Variants in PPM1H observed in about 807,000 individuals in gnomAD.
PPM1H encodes the protein protein phosphatase, Mg2+/Mn2+ dependent 1H.
PPM1H carries 27 observed loss-of-function variants against 54.9 expected under a neutral mutation model. That is an observed-to-expected ratio of 0.49 (90% CI 0.36 to 0.68). The LOEUF is 0.68. Ranked by LOEUF, PPM1H falls within the 30% of genes least tolerant of loss-of-function variation. PPM1H has a pLI of 0.00. For synonymous variants in PPM1H, 305 were observed against 270.8 expected (o/e 1.13, Z -1.24); for missense variants, 596 against 667.8 (o/e 0.89, Z 1.19).
chr12:62,910,844 C>A (rs924557248), intron 1 of PPM1H, among the ~76,000 whole-genome samples: 5 of 152,190 alleles, frequency 3.3e-5, no homozygotes, highest in Non-Finnish European at 7.3e-5. Context: ...TACAAAGCAG[C>A]TGCCCGCAAG....
rs2075859219 is a variant in PPM1H, at chr12:62,658,301, G to A, written c.1397+8877C>T. 2.0e-5 allele frequency among the ~76,000 whole-genome samples: 3 copies of A among 149,340 alleles called. No homozygotes were observed. The South Asian group carries it at 6.4e-4, about 32-fold the overall frequency. ...AGTTTTGCCTGGGCACTGGGAATGT[G>A]AATCCATGTGCATTTCCAAGTTTGG... On this transcript the variant is annotated intron_variant, in intron 9 of 9. Transcript: ENST00000228705.
chr12:62,860,788 C>T (rs571870754), intron 1 of PPM1H, among the ~76,000 whole-genome samples: 2 of 152,280 alleles, frequency 1.3e-5, no homozygotes, highest in African/African-American at 4.8e-5. Flanking sequence ...TCCCCTGCTC[C>T]GATTTACAGC....
At chr12:62,821,103 G>A (rs1474610467) in intron 2 of PPM1H, among the ~76,000 whole-genome samples, 1 of 152,168 alleles carries the variant, frequency 6.6e-6, no homozygotes, top group Admixed American at 6.5e-5. Context: ...GAAAACCGTG[G>A]CAAGAGAACT....
At chr12:62,688,544 C>T (rs555892074) in intron 8 of PPM1H, among the ~76,000 whole-genome samples, 1 of 152,238 alleles carries the variant, frequency 6.6e-6, no homozygotes, top group South Asian at 2.1e-4. Context: ...AGAAAGTCAA[C>T]ATAGAAATCG....
At chr12:62,665,073 A>G (rs2075909550) in intron 9 of PPM1H, among the ~76,000 whole-genome samples, 1 of 150,578 alleles carries the variant, frequency 6.6e-6, no homozygotes, top group South Asian at 2.1e-4. Context: ...TTTGGGACAG[A>G]GTCTCACTCT....
intron 4 of PPM1H, among the ~76,000 whole-genome samples, chr12:62,743,381 C>G (rs2076393387): frequency 6.6e-6 from 1 of 151,888 alleles, no homozygotes; most frequent in South Asian, 2.1e-4. Flanking sequence ...CCCCCTGGTC[C>G]CTGCCCCAAA....
chr12:62,885,934 C>G (rs1870571691), intron 1 of PPM1H, among the ~76,000 whole-genome samples: 1 of 152,204 alleles, frequency 6.6e-6, no homozygotes, highest in Non-Finnish European at 1.5e-5. Context: ...TAAAACTTCT[C>G]TAAAGTCACA....
chr12:62,895,721 G>T (rs1471595988), intron 1 of PPM1H, among the ~76,000 whole-genome samples: 1 of 152,074 alleles, frequency 6.6e-6, no homozygotes, highest in Non-Finnish European at 1.5e-5. Flanking sequence ...GGCCTCCTCT[G>T]CACTTGCACT....
At chr12:62,718,487 C>A (rs2076247348) in intron 6 of PPM1H, among the ~76,000 whole-genome samples, 1 of 152,132 alleles carries the variant, frequency 6.6e-6, no homozygotes, top group Non-Finnish European at 1.5e-5. Flanking sequence ...TATAAGAGCA[C>A]CCCATAGCCT....
At chr12:62,827,322 C>T (rs1335434995) in intron 2 of PPM1H, among the ~76,000 whole-genome samples, 1 of 152,106 alleles carries the variant, frequency 6.6e-6, no homozygotes, top group African/African-American at 2.4e-5. Context: ...ATTTGCTCAC[C>T]TTAACTGTAT....
At chr12:62,864,016 C>T (rs561505341) in intron 1 of PPM1H, among the ~76,000 whole-genome samples, 3 of 152,352 alleles carry the variant, frequency 2.0e-5, no homozygotes, top group East Asian at 3.9e-4. Context: ...AGCACCAACA[C>T]TTTAAGTTTA....
chr12:62,915,762 CTT>C (rs1422246348), intron 1 of PPM1H, among the ~76,000 whole-genome samples: 2 of 152,238 alleles, frequency 1.3e-5, no homozygotes, highest in Non-Finnish European at 2.9e-5. Flanking sequence ...AGCACCCACT[CTT>C]TCTGTAAGAA....
At chr12:62,900,910 CTACA>C (rs1350420878) in intron 1 of PPM1H, among the ~76,000 whole-genome samples, 1 of 152,160 alleles carries the variant, frequency 6.6e-6, no homozygotes, top group Non-Finnish European at 1.5e-5. Context: ...CTCAATGCCC[CTACA>C]TATTTCTATT....
intron 1 of PPM1H, among the ~76,000 whole-genome samples, chr12:62,838,307 G>A (rs1565804872): frequency 1.4e-5 from 2 of 144,960 alleles, no homozygotes; most frequent in East Asian, 4.2e-4. Context: ...ATAACTAGGA[G>A]GTAGACAGTA....
chr12:62,764,732 G>C (rs1414466374), intron 4 of PPM1H, among the ~76,000 whole-genome samples: 1 of 152,206 alleles, frequency 6.6e-6, no homozygotes, highest in Non-Finnish European at 1.5e-5. Flanking sequence ...ATATAGGGAG[G>C]AGCCGTGATC....
rs972242748 is a variant in PPM1H at position 62,648,427 on chromosome 12, C to T, written c.*62G>A. The T allele has an allele frequency of 7.7e-5, 122 of 1,585,628 alleles. No homozygotes were observed. The highest frequency in any genetic ancestry group is 3.4e-4 in the Middle Eastern group (2 of 5,928). Reference sequence around the variant, plus strand: ...ACTCAGCTGGGGCACTTCCCAGTTCCGTCCTGCCAAGAGGCATCCCAGCTT... The same window carrying T: ...ACTCAGCTGGGGCACTTCCCAGTTCTGTCCTGCCAAGAGGCATCCCAGCTT... On this transcript the variant is annotated 3_prime_UTR_variant, in exon 10 of 10. Coordinates refer to ENST00000228705, the MANE Select transcript of PPM1H (RefSeq NM_020700.2).
chr12:62,684,807 G>A (rs1432532642), intron 8 of PPM1H, among the ~76,000 whole-genome samples: 2 of 152,104 alleles, frequency 1.3e-5, no homozygotes, highest in East Asian at 3.9e-4. Context: ...TTCTTCCTTA[G>A]GTGGTTTCAG....
intron 1 of PPM1H, among the ~76,000 whole-genome samples, chr12:62,924,384 T>A (rs1016080955): frequency 2.6e-5 from 4 of 152,236 alleles, no homozygotes; most frequent in African/African-American, 4.8e-5. Flanking sequence ...GACTTTTCAG[T>A]GCTGCCACTG....
chr12:62,770,780 A>C (rs934625506), intron 4 of PPM1H, among the ~76,000 whole-genome samples: 3 of 152,190 alleles, frequency 2.0e-5, no homozygotes, highest in Non-Finnish European at 4.4e-5. Context: ...GATTGCACGA[A>C]TCCAATTTTT....
Sources: allele counts gnomAD v4.1 joint callset (sites outside exome capture counted in the v4.1 genomes callset), GRCh38; gene constraint gnomAD v4.1.1; transcripts MANE v1.5; gene names NCBI Gene and HGNC (gene_info 2026-07-23, HGNC 2026-07-21).